Variants in KDM6B observed in about 807,000 individuals in gnomAD.
The protein encoded by KDM6B is lysine demethylase 6B, also known as lysine-specific demethylase 6B.
KDM6B carries 22 observed loss-of-function variants against 150.4 expected under a neutral mutation model. The observed-to-expected ratio is 0.15, with a 90% CI of 0.10 to 0.21. The LOEUF is 0.21. Ranked by LOEUF, KDM6B falls within the 10% of genes least tolerant of loss-of-function variation. The pLI is 1.00. For synonymous variants in KDM6B, 1,148 were observed against 921.1 expected (o/e 1.25, Z -4.46); for missense variants, 1,984 against 2,234.3 (o/e 0.89, Z 2.26).
In KDM6B at chr17:7,848,120, C is replaced by T. The variant is rs775136413; in HGVS notation, c.1832C>T (p.Pro611Leu). 7 of 1,613,056 alleles carry T rather than the reference C, an allele frequency of 4.3e-6. No homozygotes were observed. In the South Asian group the frequency reaches 6.6e-5, roughly 15 times the overall value. The change falls in exon 12 of 24, where the codon CCT (proline) becomes CTT (leucine). Residue 611 changes from proline to leucine, a missense_variant. Coordinates refer to ENST00000448097, the MANE Select transcript of KDM6B (RefSeq NM_001348716.2). ...PLTLALPPAP[P>L]SSCHQNTSGS... is the part of the protein sequence containing the mutation. ...ACTCTTGCCCTGCCTCCAGCCCCTC[C>T]TTCCTCCTGCCACCAAAATACCTCA...
Position 7,849,188 on chromosome 17 carries a change from C to T in KDM6B, c.2900C>T (p.Ala967Val), listed in dbSNP as rs2078637402. 1.2e-6 allele frequency: 2 copies of T among 1,606,156 alleles called. No homozygotes were observed. Among genetic ancestry groups the T allele is most frequent in the Non-Finnish European group, 1.7e-6 (2 of 1,176,710 alleles). The change falls in exon 12 of 24, where the codon GCA becomes GTA. Residue 967 changes from alanine (A) to valine (V), a missense_variant. Ala to Val is a moderately conservative substitution (Grantham distance 64). Transcript: ENST00000448097. ...QAKEEAGGVA[A>V]VSGSCKRRQK... is the part of the protein sequence containing the mutation. Reference sequence around the variant, plus strand: ...AAGGAGGAGGCTGGCGGGGTGGCGGCAGTGTCAGGCAGCTGTAAGCGGCGA... The same window carrying T: ...AAGGAGGAGGCTGGCGGGGTGGCGGTAGTGTCAGGCAGCTGTAAGCGGCGA...
At chr17:7,836,463 G>A (rs2078334909) in intron 1 of KDM6B, among the ~76,000 whole-genome samples, 2 of 152,208 alleles carry the variant, frequency 1.3e-5, no homozygotes, top group African/African-American at 4.8e-5. Context: ...ACAGATTCCG[G>A]CTGGCGGCCG....
chr17:7,853,635 C>T lies in KDM6B; in HGVS notation c.*114C>T, dbSNP rs1290554337. The T allele has an allele frequency of 5.7e-6, 4 of 702,702 alleles. No homozygotes were observed. Among genetic ancestry groups the T allele is most frequent in the South Asian group, 3.8e-5 (1 of 26,328 alleles). 43.5% of individuals were successfully genotyped at this position (702,702 alleles called of 1,614,324 possible). ...GCCGAGAAGGGGGTCGGGCCCAGCC[C>T]TTCCACCCCATTGGCAGCTCCCCTC... is the stretch of plus-strand genomic sequence containing the variant. On this transcript the variant is annotated 3_prime_UTR_variant, in exon 24 of 24. Coordinates refer to ENST00000448097, the MANE Select transcript of KDM6B (RefSeq NM_001348716.2).
intron 7 of KDM6B, 29 bp from the exon 8 acceptor site, chr17:7,846,371 G>GGGGGGGGGCCGGGGCCCCCC: frequency 6.7e-7 from 1 of 1,488,926 alleles, no homozygotes; most frequent in Non-Finnish European, 9.2e-7. Context: ...CCTGACATCT[G>GGGGGGGGGCCGGGGCCCCCC]CCCCTGCCCC....
In KDM6B at chr17:7,849,478, C is replaced by T; in HGVS notation, c.3190C>T (p.Pro1064Ser). Residue 1064 changes from proline (P) to serine (S), a missense_variant, in exon 12 of 24, where the codon CCC (proline) becomes TCC (serine). Around this residue, in one of 13 missense-constraint regions of KDM6B, gnomAD observed 1,379 missense variants for 1,275.6 expected, o/e 1.08. Transcript: ENST00000448097. Reference protein sequence around the residue: ...SAPAPSAQPTPPSASVPGKKA... With the variant: ...SAPAPSAQPTSPSASVPGKKA... ...TCCTGCACCTTCTGCCCAGCCCACA[C>T]CCCCGTCAGCCTCTGTCCCTGGAAA... 1 of 1,612,794 alleles carries T rather than the reference C, an allele frequency of 6.2e-7. No homozygotes were observed. Among genetic ancestry groups the T allele is most frequent in the Non-Finnish European group, 8.5e-7 (1 of 1,179,894 alleles).
intron 20 of KDM6B, 62 bp downstream of exon 20, chr17:7,852,398 T>TGG: frequency 7.7e-7 from 1 of 1,291,270 alleles, no homozygotes; most frequent in African/African-American, 1.4e-5. Context: ...CCTGGGAGGC[T>TGG]GGGGCTTGGA....
rs761487599 is a variant in KDM6B, at chr17:7,845,610, T to C, written c.56T>C (p.Leu19Pro). ...CGCGCTGCACGGGAAGCCTTTGCCC[T>C]TGGGGGCCTGAGCTGTGCTGGGGCC... ...GARAAREAFA[L>P]GGLSCAGAWS... is the part of the protein sequence containing the mutation. The change falls in exon 5 of 24, where the codon CTT becomes CCT. Residue 19 changes from leucine to proline, a missense_variant. This residue lies in a region of KDM6B where 337 missense variants were observed against 323.9 expected (regional missense o/e 1.04). Coordinates refer to ENST00000448097, the MANE Select transcript of KDM6B (RefSeq NM_001348716.2). The C allele has an allele frequency of 6.8e-6, 11 of 1,614,056 alleles. No homozygotes were observed. Among genetic ancestry groups the C allele is most frequent in the South Asian group, 1.1e-5 (1 of 91,092 alleles).
Position 7,843,695 on chromosome 17 carries a change from G to A in KDM6B, c.-268-1206G>A, listed in dbSNP as rs1405214477. Among the ~76,000 whole-genome samples, 12 of 151,570 alleles carry A rather than the reference G, an allele frequency of 7.9e-5. No individual in the cohort carries two copies. Among genetic ancestry groups the A allele is most frequent in the Admixed American group, 6.6e-4 (10 of 15,262 alleles). On this transcript the variant is annotated intron_variant, in intron 2 of 23. Transcript: ENST00000448097. The surrounding 1 kb of genome is among the most constrained non-coding windows in gnomAD (Gnocchi z 4.5). ...CAGCTGGAGCGCTGGCCCCGCCCCCGCGGCTTTGTACTCGACACTCGCCTC... is the reference window on the plus strand; with the variant it reads ...CAGCTGGAGCGCTGGCCCCGCCCCCACGGCTTTGTACTCGACACTCGCCTC...
rs2078577026 is a variant in KDM6B at position 7,847,431 on chromosome 17, CG to C, written c.1237del (p.Val413TrpfsTer74). 1.2e-6 allele frequency: 2 copies of C among 1,613,554 alleles called. No homozygotes were observed. Among genetic ancestry groups the C allele is most frequent in the African/African-American group, 2.7e-5 (2 of 74,894 alleles). ...GCAGCAGCAACACTGGTCTCCGGGG[CG>C]TGGAGCCGAACCCAGGCATTGTGAG... is the stretch of plus-strand genomic sequence containing the variant. ...SSSSNTGLRG[V>X]EPNPGIPGAD... On this transcript the variant is annotated frameshift_variant, in exon 11 of 24. Coordinates refer to ENST00000448097, the MANE Select transcript of KDM6B (RefSeq NM_001348716.2). LOFTEE classifies it high-confidence loss of function.
At chr17:7,836,023 A>T (rs2078328692) in intron 1 of KDM6B, among the ~76,000 whole-genome samples, 2 of 152,146 alleles carry the variant, frequency 1.3e-5, no homozygotes, top group South Asian at 4.1e-4. Context: ...TTCCGGCCCC[A>T]TCTGCTCGGC....
chr17:7,852,860 A>G, intron 21 of KDM6B, 140 bp from the exon 22 acceptor site: 1 of 1,311,786 alleles, frequency 7.6e-7, no homozygotes. Flanking sequence ...GATGCCCAGG[A>G]CAGAGGATGT....
chr17:7,851,271 CGGT>C, intron 15 of KDM6B, 45 bp downstream of exon 15: 1 of 1,613,194 alleles, frequency 6.2e-7, no homozygotes. Context: ...GACGGGGCTG[CGGT>C]GGGAGGGCTC....
chr17:7,849,398 A>G lies in KDM6B; in HGVS notation c.3110A>G (p.Asp1037Gly), dbSNP rs781279007. The G allele has an allele frequency of 6.2e-7, 1 of 1,611,560 alleles. No homozygotes were observed. The highest frequency in any genetic ancestry group is 8.5e-7 in the Non-Finnish European group (1 of 1,179,536). The change falls in exon 12 of 24, where the codon GAT becomes GGT. Residue 1037 changes from aspartate to glycine, a missense_variant. By Grantham distance (94) the Asp-to-Gly change is moderately conservative. Transcript: ENST00000448097. ...CAGGGTCGTGAGAAGTCCCGGCCCGATCTTGGCGGGGCCTCCAAGGCCAAG... is the reference window on the plus strand; with the variant it reads ...CAGGGTCGTGAGAAGTCCCGGCCCGGTCTTGGCGGGGCCTCCAAGGCCAAG... The part of the protein sequence containing the change: ...EIQGREKSRP[D>G]LGGASKAKPP...
In KDM6B at chr17:7,846,671, C is replaced by G. The variant is rs1179198614; in HGVS notation, c.642C>G (p.Leu214=). 1 of 1,614,018 alleles carries G rather than the reference C, an allele frequency of 6.2e-7. No individual in the cohort carries two copies. The highest frequency in any genetic ancestry group is 8.5e-7 in the Non-Finnish European group (1 of 1,179,990). ...PVVQPVPPAA[L]SGPSGEEGLS... Reference sequence around the variant, plus strand: ...TGCAGCCTGTGCCTCCTGCAGCACTCTCAGGCCCCTCAGGGGAGGAGGGCC... The same window carrying G: ...TGCAGCCTGTGCCTCCTGCAGCACTGTCAGGCCCCTCAGGGGAGGAGGGCC... Residue 214 remains leucine, a synonymous_variant, in exon 9 of 24, where the codon CTC becomes CTG. Transcript: ENST00000448097.
At position 7,853,681 on chromosome 17, in the gene KDM6B, CTT is replaced by C. The variant is rs35202212; in HGVS notation, c.*174_*175del. ...CCCTCACTTAATTTATTAAGAAAAA[CTT>C]TTTTTTTTTTTTTAGCAAATATGAG... On this transcript the variant is annotated 3_prime_UTR_variant, in exon 24 of 24. Coordinates refer to ENST00000448097, the MANE Select transcript of KDM6B (RefSeq NM_001348716.2). The C allele has an allele frequency of 1.1e-3, 346 of 320,178 alleles. No individual in the cohort carries two copies. The highest frequency in any genetic ancestry group is 2.6e-3 in the Middle Eastern group (3 of 1,136). 19.8% of individuals were successfully genotyped at this position (320,178 alleles called of 1,614,324 possible).
Position 7,853,681 on chromosome 17 carries a change from C to CTTT in KDM6B, c.*173_*175dup, listed in dbSNP as rs35202212. ...CCCTCACTTAATTTATTAAGAAAAACTTTTTTTTTTTTTTTAGCAAATATG... is the reference window on the plus strand; with the variant it reads ...CCCTCACTTAATTTATTAAGAAAAACTTTTTTTTTTTTTTTTTTAGCAAATATG... On this transcript the variant is annotated 3_prime_UTR_variant, in exon 24 of 24. Transcript: ENST00000448097. 1.1e-3 allele frequency: 343 copies of CTTT among 320,814 alleles called. No homozygotes were observed. The highest frequency in any genetic ancestry group is 1.3e-3 in the Non-Finnish European group (238 of 183,276). The allele number at this position is 320,814 out of a possible 1,614,324, so 19.9% of individuals were successfully genotyped here.
Position 7,845,378 on chromosome 17 carries a change from G to C in KDM6B, c.-84G>C. On this transcript the variant is annotated 5_prime_UTR_variant, in exon 4 of 24. Coordinates refer to ENST00000448097, the MANE Select transcript of KDM6B (RefSeq NM_001348716.2). Reference sequence around the variant, plus strand: ...GCGGGCACTCTTATCAGAGCGGCTGGAGCCGGACCATCGTCCCAGAGAGCT... The same window carrying C: ...GCGGGCACTCTTATCAGAGCGGCTGCAGCCGGACCATCGTCCCAGAGAGCT... The C allele has an allele frequency of 1.3e-6, 1 of 786,626 alleles. No homozygotes were observed. The highest frequency in any genetic ancestry group is 1.5e-5 in the South Asian group (1 of 68,866). The allele number at this position is 786,626 out of a possible 1,614,324, so 48.7% of individuals were successfully genotyped here.
chr17:7,840,250 C>T (rs984972662), intron 2 of KDM6B: 3 of 152,244 alleles, frequency 2.0e-5, no homozygotes, highest in African/African-American at 7.2e-5. Flanking sequence ...CTCTCCACTA[C>T]TACCAAAAAA....
intron 2 of KDM6B, among the ~76,000 whole-genome samples, chr17:7,841,221 C>G (rs2078409281): frequency 6.6e-6 from 1 of 152,184 alleles, no homozygotes; most frequent in African/African-American, 2.4e-5. Flanking sequence ...TCACAAAATG[C>G]TAGCAGTTAT....
Sources: gnomAD v4.1 joint callset for allele counts (sites outside exome capture counted in the v4.1 genomes callset) on GRCh38, gnomAD v4.1.1 for gene constraint, gnomAD v4.1.1 regional missense constraint, Gnocchi (gnomAD v3.1) non-coding constraint, MANE v1.5 for transcripts, NCBI Gene and HGNC (gene_info 2026-07-23, HGNC 2026-07-21) for gene names.